Variants in RCOR1 observed in about 807,000 individuals in gnomAD.
RCOR1 encodes the protein REST corepressor 1.
In RCOR1, 12 loss-of-function variants were observed where a neutral mutation model predicts 64.0. The observed-to-expected ratio is 0.19, with a 90% CI of 0.12 to 0.30. RCOR1 has a LOEUF of 0.30. RCOR1 is among the 10% of genes least tolerant of loss of function. The pLI is 1.00. For missense variants in RCOR1, 502 were observed against 621.2 expected (o/e 0.81, Z 2.04); for synonymous variants, 279 against 227.2 (o/e 1.23, Z -2.05).
At chr14:102,627,528 G>A (rs1049870200) in intron 2 of RCOR1, among the ~76,000 whole-genome samples, 1 of 151,934 alleles carries the variant, frequency 6.6e-6, no homozygotes, top group Non-Finnish European at 1.5e-5. Flanking sequence ...GTGGTGGCGG[G>A]TGCCTGTAAT....
chr14:102,621,367 CTTTTTTTTTTTTTT>C (rs35481023), intron 2 of RCOR1, among the ~76,000 whole-genome samples: 1 of 78,516 alleles, frequency 1.3e-5, no homozygotes, highest in Non-Finnish European at 2.3e-5. Context: ...CAGTCTTTGT[CTTTTTTTTTTTTTT>C]TTTTTTTTTT....
intron 2 of RCOR1, among the ~76,000 whole-genome samples, chr14:102,667,332 C>T (rs1894934054): frequency 6.6e-6 from 1 of 152,014 alleles, no homozygotes; most frequent in African/African-American, 2.4e-5. Flanking sequence ...GAAACCCCAT[C>T]TCTACTAAAA....
chr14:102,627,226 C>T (rs1381949300), intron 2 of RCOR1, among the ~76,000 whole-genome samples: 1 of 152,168 alleles, frequency 6.6e-6, no homozygotes, highest in Non-Finnish European at 1.5e-5. Flanking sequence ...ACCCTGTGCA[C>T]GTATACTAGG....
rs917359076 is a variant in RCOR1 at position 102,728,990 on chromosome 14, A to C, written c.*2484A>C. On this transcript the variant is annotated 3_prime_UTR_variant, in exon 12 of 12. Coordinates refer to ENST00000262241, the MANE Select transcript of RCOR1 (RefSeq NM_015156.4). ...CTTATTTATATGAAGACTTTTTAAC[A>C]TATCAAGAATTAGGTGCATTGGCAG... The C allele has an allele frequency of 1.3e-5, 2 of 152,678 alleles. No homozygotes were observed. Among genetic ancestry groups the C allele is most frequent in the African/African-American group, 4.8e-5 (2 of 41,466 alleles). The allele number at this position is 152,678 out of a possible 1,614,324, so 9.5% of individuals were successfully genotyped here.
chr14:102,649,066 CA>C (rs370578626), intron 2 of RCOR1, among the ~76,000 whole-genome samples: 1,661 of 101,300 alleles, frequency 0.016, 36 homozygotes, highest in African/African-American at 0.054. Flanking sequence ...GCAAAAAAAA[CA>C]AAAAAAAAAT....
At chr14:102,600,829 C>T (rs967120082) in intron 2 of RCOR1, among the ~76,000 whole-genome samples, 5 of 151,558 alleles carry the variant, frequency 3.3e-5, no homozygotes, top group African/African-American at 1.2e-4. Flanking sequence ...CTTGGCCTCC[C>T]AAAGTGCTGG....
chr14:102,624,991 A>G (rs1433451210), intron 2 of RCOR1, among the ~76,000 whole-genome samples: 1 of 151,914 alleles, frequency 6.6e-6, no homozygotes, highest in Non-Finnish European at 1.5e-5. Context: ...TAGCCTCCCA[A>G]GTAGCTGGGA....
intron 4 of RCOR1, among the ~76,000 whole-genome samples, chr14:102,701,832 A>G (rs1895763171): frequency 6.6e-6 from 1 of 152,162 alleles, no homozygotes; most frequent in South Asian, 2.1e-4. Context: ...AGTTCTCGTA[A>G]TTCTCGTGCC....
intron 3 of RCOR1, among the ~76,000 whole-genome samples, chr14:102,691,847 A>G (rs988350534): frequency 5.3e-5 from 8 of 152,214 alleles, no homozygotes; most frequent in Non-Finnish European, 1.0e-4. Context: ...GTGGACATCC[A>G]TTATCAGTTC....
intron 2 of RCOR1, among the ~76,000 whole-genome samples, chr14:102,628,602 C>G (rs1467217720): frequency 6.6e-6 from 1 of 151,864 alleles, no homozygotes; most frequent in Non-Finnish European, 1.5e-5. Flanking sequence ...TGGAATGGGC[C>G]AATAAGGGGG....
intron 8 of RCOR1, among the ~76,000 whole-genome samples, chr14:102,715,636 G>A (rs1896055310): frequency 6.6e-6 from 1 of 152,086 alleles, no homozygotes; most frequent in African/African-American, 2.4e-5. Context: ...GCCCGCCTCA[G>A]CCTCCCAAAG....
At position 102,632,779 on chromosome 14, in the gene RCOR1, C is replaced by CCTCTCCT. The variant is rs1342028663; in HGVS notation, c.361+39467_361+39473dup. ...CCTCCCCTCCCCTCCCCTCTCCTCC[C>CCTCTCCT]CTCTCCTCTCTCCTCTCTCGTCTCT... On this transcript the variant is annotated intron_variant, in intron 2 of 11. Transcript: ENST00000262241. Among the ~76,000 whole-genome samples, 2 of 65,070 alleles carry CCTCTCCT rather than the reference C, an allele frequency of 3.1e-5. 1 individual carries two copies. Among genetic ancestry groups the CCTCTCCT allele is most frequent in the Admixed American group, 3.3e-4 (2 of 5,996 alleles). 42.7% of individuals were successfully genotyped at this position (65,070 alleles called of 152,430 possible).
At chr14:102,678,798 T>C (rs1318474713) in intron 2 of RCOR1, among the ~76,000 whole-genome samples, 1 of 152,236 alleles carries the variant, frequency 6.6e-6, no homozygotes, top group East Asian at 1.9e-4. Flanking sequence ...CTTTGTAGTG[T>C]TGATGCCTTT....
chr14:102,656,376 C>T (rs994493206), intron 2 of RCOR1, among the ~76,000 whole-genome samples: 2 of 151,048 alleles, frequency 1.3e-5, no homozygotes, highest in South Asian at 2.1e-4. Context: ...TGACCTCAAG[C>T]GATCCGCCTG....
chr14:102,673,439 T>C (rs922838406), intron 2 of RCOR1, among the ~76,000 whole-genome samples: 6 of 150,902 alleles, frequency 4.0e-5, no homozygotes, highest in African/African-American at 1.5e-4. Flanking sequence ...TGGGTTCACG[T>C]CATTCTCCTG....
At position 102,593,045 on chromosome 14, in the gene RCOR1, A is replaced by AGCCTCGGCCGCCGCC; in HGVS notation, c.165_179dup (p.Ser60_Ala64dup). The AGCCTCGGCCGCCGCC allele has an allele frequency of 5.2e-6, 7 of 1,352,850 alleles. No homozygotes were observed. The highest frequency in any genetic ancestry group is 6.7e-6 in the Non-Finnish European group (7 of 1,042,444). The allele number at this position is 1,352,850 out of a possible 1,614,324, so 83.8% of individuals were successfully genotyped here. ...CCGCCTCGGGCGCCGCCGCCTCCTCAGCCTCGGCCGCCGCCGCCTCAGCCG... is the reference window on the plus strand; with the variant it reads ...CCGCCTCGGGCGCCGCCGCCTCCTCAGCCTCGGCCGCCGCCGCCTCGGCCGCCGCCGCCTCAGCCG... On this transcript the variant is annotated inframe_insertion, in exon 1 of 12. Coordinates refer to ENST00000262241, the MANE Select transcript of RCOR1 (RefSeq NM_015156.4).
At chr14:102,606,412 C>T (rs1048289109) in intron 2 of RCOR1, among the ~76,000 whole-genome samples, 1 of 151,990 alleles carries the variant, frequency 6.6e-6, no homozygotes, top group Admixed American at 6.6e-5. Flanking sequence ...CCCTGCTTTA[C>T]TTTTACTGGC....
Position 102,708,450 on chromosome 14 carries a change from A to T in RCOR1, c.661-15A>T. 1 of 1,350,090 alleles carries T rather than the reference A, an allele frequency of 7.4e-7. No homozygotes were observed. Among genetic ancestry groups the T allele is most frequent in the Non-Finnish European group, 1.1e-6 (1 of 941,522 alleles). The allele number at this position is 1,350,090 out of a possible 1,614,324, so 83.6% of individuals were successfully genotyped here. Reference sequence around the variant, plus strand: ...CTTTTTTATTTAAATAAACCAACTCATTTTTTATGTTTAGCTTCCAGATAA... The same window carrying T: ...CTTTTTTATTTAAATAAACCAACTCTTTTTTTATGTTTAGCTTCCAGATAA... On this transcript the variant is annotated splice_polypyrimidine_tract_variant and intron_variant, in intron 5 of 11. Transcript: ENST00000262241.
In RCOR1 at chr14:102,691,726, G is replaced by A. The variant is rs143820046; in HGVS notation, c.446-9552G>A. Among the ~76,000 whole-genome samples the A allele has an allele frequency of 9.0e-3, 1,374 of 152,256 alleles. 22 individuals are homozygous for A. Among genetic ancestry groups the A allele is most frequent in the African/African-American group, 0.031 (1,298 of 41,542 alleles). On this transcript the variant is annotated intron_variant, in intron 3 of 11. Coordinates refer to ENST00000262241, the MANE Select transcript of RCOR1 (RefSeq NM_015156.4). ...GAGTTGAATTTACAAACTAGTGGAAGCCTTCTATTAAACAGTAATTTACCT... is the reference window on the plus strand; with the variant it reads ...GAGTTGAATTTACAAACTAGTGGAAACCTTCTATTAAACAGTAATTTACCT...
Sources: allele counts gnomAD v4.1 joint callset (sites outside exome capture counted in the v4.1 genomes callset), GRCh38; gene constraint gnomAD v4.1.1; transcripts MANE v1.5; gene names NCBI Gene and HGNC (gene_info 2026-07-23, HGNC 2026-07-21).